The following NBN variants were observed in gnomAD, a reference collection of about 807,000 sequenced individuals.
The protein encoded by NBN is Nijmegen breakage syndrome 1 (nibrin).
A neutral mutation model predicts 90.8 loss-of-function variants in NBN; 88 were observed. The observed-to-expected ratio is 0.97, with a 90% CI of 0.82 to 1.16. The LOEUF is 1.16. Ranked by LOEUF, NBN falls within the 50% of genes most tolerant of loss-of-function variation. The pLI is 0.00. For missense variants in NBN, 894 were observed against 869.6 expected (o/e 1.03, Z -0.35); for synonymous variants, 328 against 295.1 (o/e 1.11, Z -1.14).
At chr8:89,940,737 T>C (rs1809902259) in intron 14 of NBN, among the ~76,000 whole-genome samples, 1 of 150,050 alleles carries the variant, frequency 6.7e-6, no homozygotes, top group African/African-American at 2.5e-5. Flanking sequence ...ATGAAAGCAA[T>C]GAAATAATGA....
chr8:89,972,171 T>A (rs571059763), intron 5 of NBN, among the ~76,000 whole-genome samples: 22 of 152,262 alleles, frequency 1.4e-4, no homozygotes, highest in Admixed American at 2.6e-4. Context: ...TCATTAAGAG[T>A]CACTATCCAG....
chr8:89,963,878 A>T (rs934979274), intron 8 of NBN, among the ~76,000 whole-genome samples: 26 of 152,162 alleles, frequency 1.7e-4, no homozygotes, highest in African/African-American at 6.0e-4. Flanking sequence ...CCACAATAGC[A>T]TTCTATTCAC....
chr8:89,984,636 C>T lies in NBN; in HGVS notation c.-75G>A. 2 of 1,589,114 alleles carry T rather than the reference C, an allele frequency of 1.3e-6. No individual in the cohort carries two copies. The highest frequency in any genetic ancestry group is 1.7e-6 in the Non-Finnish European group (2 of 1,167,952). On this transcript the variant is annotated 5_prime_UTR_variant, in exon 1 of 16. Transcript: ENST00000265433. ...CTGCTAGACGAGCGCGGATACGGCG[C>T]CTGCGGTCGGCATGGGCTCCGGGAC...
rs990613812 is a variant in NBN at position 89,934,556 on chromosome 8, C to T, written c.*1026G>A. 1 of 233,076 alleles carries T rather than the reference C, an allele frequency of 4.3e-6. No homozygotes were observed. The highest frequency in any genetic ancestry group is 2.2e-5 in the African/African-American group (1 of 45,338). The allele number at this position is 233,076 out of a possible 1,614,324, so 14.4% of individuals were successfully genotyped here. ...GTGATGTAGAGGCCAGCCTCTTGTC[C>T]CTTCTGTTGCTTCTGTTTACAAGGG... On this transcript the variant is annotated 3_prime_UTR_variant, in exon 16 of 16. Coordinates refer to ENST00000265433, the MANE Select transcript of NBN (RefSeq NM_002485.5).
At chr8:89,953,808 T>G (rs1810571933) in intron 10 of NBN, 117 bp from the exon 11 acceptor site, 1 of 756,516 alleles carries the variant, frequency 1.3e-6, no homozygotes. Flanking sequence ...CTCTTGATTT[T>G]ATTAACAATA....
intron 6 of NBN, 24 bp downstream of exon 6, chr8:89,971,149 A>G (rs1171215740): frequency 1.9e-6 from 3 of 1,603,546 alleles, no homozygotes; most frequent in Non-Finnish European, 2.6e-6. Context: ...TTCTTTAGGA[A>G]AATTTAGCTT....
chr8:89,947,095 C>A (rs2129654293), intron 12 of NBN, among the ~76,000 whole-genome samples: 1 of 152,208 alleles, frequency 6.6e-6, no homozygotes, highest in Middle Eastern at 3.4e-3. Flanking sequence ...CTGATAGTGA[C>A]AGAATGTAAT....
At chr8:89,937,771 T>C (rs1809760753) in intron 14 of NBN, among the ~76,000 whole-genome samples, 1 of 152,190 alleles carries the variant, frequency 6.6e-6, no homozygotes, top group African/African-American at 2.4e-5. Flanking sequence ...CCTAATCACT[T>C]CTCAGCCTCC....
chr8:89,978,327 C>T lies in NBN; in HGVS notation c.481-4G>A, dbSNP rs754864893. The stretch of plus-strand genomic sequence containing the variant: ...CACAAATGAGTGCACATATTGTCTA[C>T]AATGAAGAAAACATGTGAATATATA... On this transcript the variant is annotated splice_polypyrimidine_tract_variant and splice_region_variant and intron_variant, in intron 4 of 15. Transcript: ENST00000265433. 24 of 1,581,914 alleles carry T rather than the reference C, an allele frequency of 1.5e-5. 1 individual carries two copies. In the South Asian group the frequency reaches 2.5e-4, roughly 17 times the overall value.
chr8:89,955,942 TTTA>T (rs1180574182), intron 9 of NBN, among the ~76,000 whole-genome samples: 1 of 151,776 alleles, frequency 6.6e-6, no homozygotes, highest in Admixed American at 6.6e-5. Flanking sequence ...TTCATTATTA[TTTA>T]TTATTATATT....
intron 2 of NBN, 83 bp downstream of exon 2, chr8:89,982,639 T>A (rs1812123108): frequency 8.1e-7 from 1 of 1,232,760 alleles, no homozygotes; most frequent in East Asian, 2.3e-5. Context: ...TCCTGTGAAC[T>A]CTCTCTCACA....
intron 1 of NBN, among the ~76,000 whole-genome samples, chr8:89,983,608 A>G (rs1315008444): frequency 6.6e-6 from 1 of 152,192 alleles, no homozygotes; most frequent in African/African-American, 2.4e-5. Flanking sequence ...ATTTGTTTTT[A>G]TCTTAAAGAT....
At chr8:89,957,874 A>G (rs531999354) in intron 9 of NBN, among the ~76,000 whole-genome samples, 10 of 152,252 alleles carry the variant, frequency 6.6e-5, no homozygotes, top group African/African-American at 2.4e-4. Flanking sequence ...AGAGGGGGGA[A>G]TGGTTTTGGA....
intron 9 of NBN, among the ~76,000 whole-genome samples, chr8:89,958,180 G>A (rs949142980): frequency 6.6e-6 from 1 of 152,186 alleles, no homozygotes; most frequent in African/African-American, 2.4e-5. Flanking sequence ...GGTAATGCAA[G>A]CAATGGGAGC....
chr8:89,977,106 GATTT>G (rs1811797203), intron 5 of NBN, among the ~76,000 whole-genome samples: 1 of 151,964 alleles, frequency 6.6e-6, no homozygotes, highest in Admixed American at 6.6e-5. Flanking sequence ...AGAACATGCA[GATTT>G]GTTACATAGG....
At position 89,934,008 on chromosome 8, in the gene NBN, T is replaced by C; in HGVS notation, c.*1574A>G. The C allele has an allele frequency of 4.3e-6, 1 of 230,874 alleles. No homozygotes were observed. Among genetic ancestry groups the C allele is most frequent in the Non-Finnish European group, 8.6e-6 (1 of 116,644 alleles). 14.3% of individuals were successfully genotyped at this position (230,874 alleles called of 1,614,324 possible). ...GTAAAGACAGGAGGTACCAGAACTCTCATTCATTATATTCATAAATTGACA... is the reference window on the plus strand; with the variant it reads ...GTAAAGACAGGAGGTACCAGAACTCCCATTCATTATATTCATAAATTGACA... On this transcript the variant is annotated 3_prime_UTR_variant, in exon 16 of 16. Coordinates refer to ENST00000265433, the MANE Select transcript of NBN (RefSeq NM_002485.5).
intron 11 of NBN, among the ~76,000 whole-genome samples, chr8:89,952,952 C>T (rs1285075327): frequency 6.6e-6 from 1 of 152,144 alleles, no homozygotes; most frequent in African/African-American, 2.4e-5. Flanking sequence ...TATACTGAAG[C>T]ATCTCCTACA....
At chr8:89,974,161 C>T (rs1811639546) in intron 5 of NBN, among the ~76,000 whole-genome samples, 1 of 151,164 alleles carries the variant, frequency 6.6e-6, no homozygotes, top group Admixed American at 6.6e-5. Context: ...CCAAGCCACA[C>T]ATACTTATTT....
intron 10 of NBN, 123 bp from the exon 11 acceptor site, chr8:89,953,814 C>T (rs1810572293): frequency 2.7e-6 from 2 of 751,972 alleles, no homozygotes; most frequent in South Asian, 1.7e-5. Context: ...ATTTTATTAA[C>T]AATATTACTG....
Sources: allele counts gnomAD v4.1 joint callset (sites outside exome capture counted in the v4.1 genomes callset), GRCh38; gene constraint gnomAD v4.1.1; transcripts MANE v1.5; gene names NCBI Gene and HGNC (gene_info 2026-07-23, HGNC 2026-07-21).